COL6A6: variants seen among roughly 807,000 people sequenced by gnomAD.
COL6A6 encodes the protein collagen type VI alpha 6 chain.
A neutral mutation model predicts 208.6 loss-of-function variants in COL6A6; 183 were observed. The ratio of observed to expected loss-of-function variants is 0.88; its 90% confidence interval spans 0.78 to 0.99. The LOEUF is 0.99. Ranked by LOEUF, COL6A6 falls within the 50% of genes least tolerant of loss-of-function variation. The pLI is 0.00. For missense variants in COL6A6, 2,816 were observed against 2,815.2 expected (o/e 1.00, Z -0.01); for synonymous variants, 973 against 1,011.8 (o/e 0.96, Z 0.73).
chr3:130,655,434 T>C (rs918309858), intron 33 of COL6A6, among the ~76,000 whole-genome samples: 1 of 152,154 alleles, frequency 6.6e-6, no homozygotes, highest in Non-Finnish European at 1.5e-5. Flanking sequence ...GCAATCCTAT[T>C]AATTACAGGA....
intron 23 of COL6A6, among the ~76,000 whole-genome samples, chr3:130,618,221 G>C (rs1576340107): frequency 1.3e-5 from 2 of 152,294 alleles, no homozygotes; most frequent in East Asian, 3.9e-4. Context: ...AGTCTTTAGA[G>C]TCAGATACAA....
In COL6A6 at chr3:130,529,312, A is replaced by G. The variant is rs563199917; in HGVS notation, c.-32+11915A>G. ...TAAAAAAAAAAAAAAAAAAAGCAGGAAGTGTACAAATCTCTAGTAACACAC... is the reference window on the plus strand; with the variant it reads ...TAAAAAAAAAAAAAAAAAAAGCAGGGAGTGTACAAATCTCTAGTAACACAC... On this transcript the variant is annotated intron_variant, in intron 1 of 36. Coordinates refer to ENST00000358511, the MANE Select transcript of COL6A6 (RefSeq NM_001102608.3). Among the ~76,000 whole-genome samples the G allele has an allele frequency of 2.6e-5, 4 of 151,250 alleles. No individual in the cohort carries two copies. In the East Asian group the frequency reaches 7.8e-4, roughly 29 times the overall value.
At position 130,592,734 on chromosome 3, in the gene COL6A6, G is replaced by A. The variant is rs771348914; in HGVS notation, c.4371+12G>A. 1.9e-6 allele frequency: 3 copies of A among 1,607,502 alleles called. No individual in the cohort carries two copies. Among genetic ancestry groups the A allele is most frequent in the East Asian group, 4.5e-5 (2 of 44,830 alleles). Reference sequence around the variant, plus strand: ...TAAATGGACAGGAGGTATGTTACCAGGCACATCCATTTACCTACCCATATG... The same window carrying A: ...TAAATGGACAGGAGGTATGTTACCAAGCACATCCATTTACCTACCCATATG... On this transcript the variant is annotated intron_variant, in intron 15 of 36. Transcript: ENST00000358511.
At chr3:130,605,614 A>T (rs938389789) in intron 20 of COL6A6, among the ~76,000 whole-genome samples, 1 of 152,136 alleles carries the variant, frequency 6.6e-6, no homozygotes, top group Non-Finnish European at 1.5e-5. Context: ...TCTCATGATG[A>T]TTCATCAGTT....
At chr3:130,597,052 G>A (rs2063871989) in intron 18 of COL6A6, among the ~76,000 whole-genome samples, 1 of 152,064 alleles carries the variant, frequency 6.6e-6, no homozygotes, top group African/African-American at 2.4e-5. Context: ...AAAATGTGCT[G>A]GTATATGATT....
At chr3:130,529,805 A>AT (rs2062041757) in intron 1 of COL6A6, among the ~76,000 whole-genome samples, 1 of 152,160 alleles carries the variant, frequency 6.6e-6, no homozygotes, top group Admixed American at 6.5e-5. Context: ...GGAAAAGTTC[A>AT]TGAGGGAAAG....
chr3:130,662,181 T>G lies in COL6A6; in HGVS notation c.6375T>G (p.Asp2125Glu). The G allele has an allele frequency of 6.2e-7, 1 of 1,614,016 alleles. No homozygotes were observed. The highest frequency in any genetic ancestry group is 8.5e-7 in the Non-Finnish European group (1 of 1,179,868). The change falls in exon 35 of 37, where the codon GAT becomes GAG. Residue 2125 changes from aspartate (D) to glutamate (E), a missense_variant. Coordinates refer to ENST00000358511, the MANE Select transcript of COL6A6 (RefSeq NM_001102608.3). ...LFVFSLGPIW[D>E]DKELEDLASH... The stretch of plus-strand genomic sequence containing the variant: ...TGTTTTCCCTTGGCCCTATTTGGGA[T>G]GACAAGGAACTGGAGGATCTCGCCA...
intron 32 of COL6A6, among the ~76,000 whole-genome samples, chr3:130,646,794 T>C (rs991084149): frequency 3.9e-5 from 6 of 152,098 alleles, no homozygotes; most frequent in African/African-American, 1.4e-4. Flanking sequence ...TGGATTTTAT[T>C]TGAGTTGTGA....
chr3:130,521,287 C>T (rs1325705420), intron 1 of COL6A6, among the ~76,000 whole-genome samples: 5 of 152,170 alleles, frequency 3.3e-5, no homozygotes, highest in African/African-American at 1.2e-4. Context: ...GTAAGAAATT[C>T]TGACTAAAAT....
intron 1 of COL6A6, among the ~76,000 whole-genome samples, chr3:130,557,699 T>C (rs1398716701): frequency 1.3e-5 from 2 of 152,252 alleles, no homozygotes; most frequent in Non-Finnish European, 2.9e-5. Flanking sequence ...GTTTCCCTTA[T>C]GGGCTCTTAG....
At chr3:130,567,656 G>T (rs536629764) in intron 5 of COL6A6, among the ~76,000 whole-genome samples, 57 of 152,292 alleles carry the variant, frequency 3.7e-4, no homozygotes, top group Non-Finnish European at 7.2e-4. Context: ...AACCAGGAGT[G>T]ATTTTGCACC....
chr3:130,658,829 C>A, intron 34 of COL6A6, 57 bp downstream of exon 34: 2 of 1,256,624 alleles, frequency 1.6e-6, no homozygotes, highest in South Asian at 1.3e-5. Context: ...GATGAGTCAC[C>A]ACTGGCAGGG....
At chr3:130,636,362 C>T (rs2065111461) in intron 28 of COL6A6, among the ~76,000 whole-genome samples, 1 of 152,152 alleles carries the variant, frequency 6.6e-6, no homozygotes, top group Non-Finnish European at 1.5e-5. Context: ...GCCTTGGGTT[C>T]CTGTGGATTA....
Position 130,568,188 on chromosome 3 carries a change from G to C in COL6A6, c.1985G>C (p.Gly662Ala), listed in dbSNP as rs757281522. The C allele has an allele frequency of 1.4e-5, 23 of 1,613,988 alleles. No homozygotes were observed. Among genetic ancestry groups the C allele is most frequent in the Non-Finnish European group, 1.9e-5 (22 of 1,179,894 alleles). The change falls in exon 6 of 37, where the codon GGT becomes GCT. Residue 662 changes from glycine (G) to alanine (A), a missense_variant. Coordinates refer to ENST00000358511, the MANE Select transcript of COL6A6 (RefSeq NM_001102608.3). ...SQIGPDRVQIGVVQFSDINKE... is the reference protein window; with the variant it reads ...SQIGPDRVQIAVVQFSDINKE... ...ATTGGACCAGATCGGGTGCAAATTG[G>C]TGTAGTCCAGTTCAGCGACATCAAT...
At chr3:130,585,597 A>G (rs1305720930) in intron 10 of COL6A6, among the ~76,000 whole-genome samples, 1 of 152,106 alleles carries the variant, frequency 6.6e-6, no homozygotes, top group Non-Finnish European at 1.5e-5. Flanking sequence ...TGGCAACCCT[A>G]TGTTGGTCCT....
At chr3:130,544,826 T>A (rs909464022) in intron 1 of COL6A6, among the ~76,000 whole-genome samples, 2 of 152,226 alleles carry the variant, frequency 1.3e-5, no homozygotes, top group African/African-American at 4.8e-5. Context: ...CATTTGTATG[T>A]CATCTTTGGA....
rs75215815 is a variant in COL6A6, at chr3:130,616,399, C to A, written c.4816-5422C>A. 4.6e-3 allele frequency among the ~76,000 whole-genome samples: 702 copies of A among 151,938 alleles called. 2 individuals are homozygous for A. Among genetic ancestry groups the A allele is most frequent in the East Asian group, 0.028 (143 of 5,168 alleles). On this transcript the variant is annotated intron_variant, in intron 23 of 36. Coordinates refer to ENST00000358511, the MANE Select transcript of COL6A6 (RefSeq NM_001102608.3). ...TGTATAAATCAAATGTGTGCTAATC[C>A]AGCCAAGTATATGACTATGATACAA...
Position 130,676,907 on chromosome 3 carries a change from T to C in COL6A6, c.*1510T>C, listed in dbSNP as rs1167524155. On this transcript the variant is annotated 3_prime_UTR_variant, in exon 37 of 37. Coordinates refer to ENST00000358511, the MANE Select transcript of COL6A6 (RefSeq NM_001102608.3). ...GGAAATTAATGAGCAATATTTACAA[T>C]GTATTTTAATAAAAGGGATTTTTCT... 6.6e-6 allele frequency: 1 copy of C among 152,208 alleles called. No homozygotes were observed. The highest frequency in any genetic ancestry group is 1.9e-4 in the East Asian group (1 of 5,198). 9.4% of individuals were successfully genotyped at this position (152,208 alleles called of 1,614,324 possible).
chr3:130,651,513 A>C (rs1028891485), intron 33 of COL6A6, among the ~76,000 whole-genome samples: 4 of 152,262 alleles, frequency 2.6e-5, no homozygotes, highest in Admixed American at 2.0e-4. Flanking sequence ...AATTTGTTTA[A>C]TAATAATCTA....
Sources: gnomAD v4.1 joint callset for allele counts (sites outside exome capture counted in the v4.1 genomes callset) on GRCh38, gnomAD v4.1.1 for gene constraint, MANE v1.5 for transcripts, NCBI Gene and HGNC (gene_info 2026-07-23, HGNC 2026-07-21) for gene names.